ROBO2: variants seen among roughly 807,000 people sequenced by gnomAD.
ROBO2 encodes roundabout homolog 2.
A neutral mutation model predicts 160.8 loss-of-function variants in ROBO2; 53 were observed. The observed-to-expected ratio is 0.33, with a 90% CI of 0.26 to 0.41. The LOEUF (loss-of-function observed/expected upper bound fraction) is 0.41. ROBO2 is among the 10% of genes least tolerant of loss of function. The pLI is 1.00. For missense variants in ROBO2, 1,577 were observed against 1,722.4 expected, an observed-to-expected ratio of 0.92 and a Z score of 1.49; for synonymous variants, 664 against 611.7, an observed-to-expected ratio of 1.09 and a Z score of -1.26.
At chr3:76,651,553 TG>T (rs2091258933) in intron 2 of ROBO2, among the ~76,000 whole-genome samples, 1 of 151,962 alleles carries the variant, frequency 6.6e-6, no homozygotes, top group South Asian at 2.1e-4. Flanking sequence ...AGTAGCTCAA[TG>T]TATATGTAAA....
At chr3:76,762,959 T>C (rs1459826324) in intron 2 of ROBO2, among the ~76,000 whole-genome samples, 1 of 151,754 alleles carries the variant, frequency 6.6e-6, no homozygotes, top group African/African-American at 2.4e-5. Context: ...AAATCCTTCA[T>C]GTTACAATTT....
chr3:77,609,880 A>C (rs908616528), intron 21 of ROBO2, among the ~76,000 whole-genome samples: 2 of 149,662 alleles, frequency 1.3e-5, no homozygotes, highest in East Asian at 3.9e-4. Context: ...GTATTTGCTA[A>C]AAAAAGAAGT....
At chr3:76,354,345 C>T (rs961885669) in intron 2 of ROBO2, among the ~76,000 whole-genome samples, 2 of 151,850 alleles carry the variant, frequency 1.3e-5, no homozygotes, top group Non-Finnish European at 2.9e-5. Context: ...TTGGGGAACA[C>T]TTTCACAAGG....
At chr3:77,483,645 TTTATC>T (rs2084969254) in intron 4 of ROBO2, among the ~76,000 whole-genome samples, 1 of 150,800 alleles carries the variant, frequency 6.6e-6, no homozygotes, top group Admixed American at 6.6e-5. Context: ...CAGTTCAATC[TTTATC>T]TTAAGATATG....
intron 14 of ROBO2, 115 bp downstream of exon 15, chr3:77,574,845 G>C (rs907413425): frequency 7.6e-6 from 6 of 785,620 alleles, no homozygotes; most frequent in African/African-American, 3.5e-5. Flanking sequence ...AGTAAATTGA[G>C]GAAGTGTCGT....
intron 25 of ROBO2, 148 bp downstream of exon 27, chr3:77,645,052 A>G (rs2095398537): frequency 6.4e-6 from 5 of 784,320 alleles, no homozygotes; most frequent in Non-Finnish European, 1.1e-5. Flanking sequence ...GTTTGGTCAT[A>G]ACTTAGGCCA....
intron 2 of ROBO2, among the ~76,000 whole-genome samples, chr3:76,846,856 C>G (rs1486157155): frequency 6.6e-6 from 1 of 152,074 alleles, no homozygotes; most frequent in Non-Finnish European, 1.5e-5. Context: ...TTGACCAATA[C>G]TGGTCTGTAG....
Position 76,408,371 on chromosome 3 carries a change from C to T in ROBO2, c.109+470769C>T, listed in dbSNP as rs977869664. Among the ~76,000 whole-genome samples, 3 of 152,188 alleles carry T rather than the reference C, an allele frequency of 2.0e-5. No individual in the cohort carries two copies. The East Asian group carries it at 5.8e-4, about 30-fold the overall frequency. On this transcript the variant is annotated intron_variant, in intron 2 of 26. Coordinates refer to the ROBO2 transcript ENST00000487694. ...TGTCCTTGCCAATTGCCTGATTTTG[C>T]TCCAAATACAGATAACTTCCAAAGG...
intron 2 of ROBO2, among the ~76,000 whole-genome samples, chr3:76,252,470 TATAA>T (rs914268031): frequency 1.3e-5 from 2 of 151,994 alleles, no homozygotes; most frequent in African/African-American, 4.8e-5. Context: ...ATACTAGCAA[TATAA>T]ATATTTAGTT....
At position 77,154,196 on chromosome 3, in the gene ROBO2, CAT is replaced by C. The variant is rs941319412; in HGVS notation, c.388+55858_388+55859del. Among the ~76,000 whole-genome samples the C allele has an allele frequency of 7.9e-5, 12 of 152,046 alleles. No individual in the cohort carries two copies. In the East Asian group the frequency reaches 2.3e-3, roughly 29 times the overall value. On this transcript the variant is annotated intron_variant, in intron 2 of 25. Coordinates refer to ENST00000461745, the Ensembl canonical transcript of ROBO2. ...ATGCACTTCCACTTGAAAAAATACA[CAT>C]AGTTTAATGTATCTTCTATCAATTT...
chr3:77,262,198 G>C (rs2058821278), intron 2 of ROBO2, among the ~76,000 whole-genome samples: 1 of 152,126 alleles, frequency 6.6e-6, no homozygotes, highest in Non-Finnish European at 1.5e-5. Context: ...TGAAGGTCAA[G>C]CAAACATTCT....
At chr3:77,581,027 C>A (rs894949863) in intron 16 of ROBO2, among the ~76,000 whole-genome samples, 3 of 152,076 alleles carry the variant, frequency 2.0e-5, no homozygotes, top group East Asian at 1.9e-4. Context: ...GTGATTTTAG[C>A]CATTCTAATT....
chr3:77,481,775 G>A (rs1459559747), intron 4 of ROBO2, among the ~76,000 whole-genome samples: 1 of 152,068 alleles, frequency 6.6e-6, no homozygotes, highest in Non-Finnish European at 1.5e-5. Flanking sequence ...TAAGAACCAA[G>A]GCTCTCCTTA....
At chr3:77,415,556 G>C (rs1209968668) in intron 2 of ROBO2, among the ~76,000 whole-genome samples, 1 of 152,190 alleles carries the variant, frequency 6.6e-6, no homozygotes, top group Non-Finnish European at 1.5e-5. Context: ...CCCCTGCCCA[G>C]GCTTCACTCG....
intron 2 of ROBO2, among the ~76,000 whole-genome samples, chr3:77,006,216 C>A (rs1392986502): frequency 6.6e-6 from 1 of 151,318 alleles, no homozygotes; most frequent in Non-Finnish European, 1.5e-5. Flanking sequence ...CAACCAGGAC[C>A]ATATATGTGA....
rs760877077 is a variant in ROBO2 at position 77,540,586 on chromosome 3, A to AG, written c.935-5747dup. 1.2e-4 allele frequency among the ~76,000 whole-genome samples: 18 copies of AG among 149,174 alleles called. No homozygotes were observed. The East Asian group carries it at 3.0e-3, about 25-fold the overall frequency. On this transcript the variant is annotated intron_variant, in intron 6 of 25. Transcript: ENST00000461745. Reference sequence around the variant, plus strand: ...CCAGTCGGGGGCAGTGGGGGCGCGCAGGGGGAGGGAGAGCATCAGGAAAAA... The same window carrying AG: ...CCAGTCGGGGGCAGTGGGGGCGCGCAGGGGGGAGGGAGAGCATCAGGAAAAA...
intron 1 of ROBO2, among the ~76,000 whole-genome samples, chr3:75,933,041 C>A (rs1345865298): frequency 6.6e-6 from 1 of 151,990 alleles, no homozygotes; most frequent in Non-Finnish European, 1.5e-5. Context: ...TGAGATAAGC[C>A]CTGCCTGTGA....
At chr3:76,784,878 A>T (rs1411696753) in intron 2 of ROBO2, among the ~76,000 whole-genome samples, 1 of 151,206 alleles carries the variant, frequency 6.6e-6, no homozygotes, top group Non-Finnish European at 1.5e-5. Context: ...TGGGCCTTCT[A>T]GGTATTTCAC....
intron 2 of ROBO2, among the ~76,000 whole-genome samples, chr3:76,356,488 A>G (rs1356186928): frequency 1.3e-5 from 2 of 151,640 alleles, no homozygotes; most frequent in African/African-American, 4.8e-5. Flanking sequence ...ATATCATACA[A>G]AAGTATAAGA....
Sources: gnomAD v4.1 joint callset for allele counts (sites outside exome capture counted in the v4.1 genomes callset) on GRCh38, gnomAD v4.1.1 for gene constraint, MANE v1.5 for transcripts, NCBI Gene and HGNC (gene_info 2026-07-23, HGNC 2026-07-21) for gene names.